C10orf90: variants seen among roughly 807,000 people sequenced by gnomAD.
The protein encoded by C10orf90 is chromosome 10 open reading frame 90.
Under a neutral mutation model 62.5 loss-of-function variants are expected in C10orf90, and 56 were observed. The observed-to-expected ratio is 0.90, with a 90% confidence interval of 0.72 to 1.12. C10orf90 has a LOEUF of 1.12. Among genes scored for constraint, C10orf90 ranks in the 50% most tolerant of loss-of-function variants. The pLI is 0.00. For synonymous variants in C10orf90, 386 were observed against 340.4 expected (o/e 1.13, Z -1.47); for missense variants, 970 against 880.4 (o/e 1.10, Z -1.29).
At chr10:126,627,000 C>CTTTTCTTT (rs1845758035) in intron 2 of C10orf90, among the ~76,000 whole-genome samples, 2 of 119,496 alleles carry the variant, frequency 1.7e-5, no homozygotes, top group Non-Finnish European at 3.4e-5. Context: ...TTTTTCTTTT[C>CTTTTCTTT]TTTTTTTTTT....
intron 7 of C10orf90, among the ~76,000 whole-genome samples, chr10:126,455,638 G>T (rs1426421558): frequency 6.6e-6 from 1 of 152,214 alleles, no homozygotes; most frequent in African/African-American, 2.4e-5. Flanking sequence ...CTTACGCATT[G>T]TATTTATTGG....
Position 126,464,992 on chromosome 10 carries a change from A to G in C10orf90, c.1535-6T>C. Reference sequence around the variant, plus strand: ...AGAAAATACTTTTGTGTGTACTAAAAATAAAACGAGAGTTGTGCTCAAAAT... The same window carrying G: ...AGAAAATACTTTTGTGTGTACTAAAGATAAAACGAGAGTTGTGCTCAAAAT... On this transcript the variant is annotated splice_polypyrimidine_tract_variant and splice_region_variant and intron_variant, in intron 4 of 9. Transcript: ENST00000488181. 4 of 1,591,766 alleles carry G rather than the reference A, an allele frequency of 2.5e-6. No individual in the cohort carries two copies. Among genetic ancestry groups the G allele is most frequent in the Non-Finnish European group, 3.4e-6 (4 of 1,162,028 alleles).
At chr10:126,514,003 C>T (rs1863290401) in intron 2 of C10orf90, 64 bp from the exon 3 acceptor site, 1 of 1,174,726 alleles carries the variant, frequency 8.5e-7, no homozygotes, top group Non-Finnish European at 1.2e-6. Flanking sequence ...GAATATATAA[C>T]TCTACTGTAA....
intron 2 of C10orf90, among the ~76,000 whole-genome samples, chr10:126,555,381 A>G (rs145548983): frequency 2.0e-5 from 3 of 152,240 alleles, no homozygotes; most frequent in Admixed American, 2.0e-4. Context: ...TACACTGTTT[A>G]AGCTAATCAG....
intron 2 of C10orf90, among the ~76,000 whole-genome samples, chr10:126,577,151 C>T (rs2134011091): frequency 6.6e-6 from 1 of 151,960 alleles, no homozygotes; most frequent in East Asian, 1.9e-4. Flanking sequence ...ATATTGAATA[C>T]TCCCAGTACA....
intron 2 of C10orf90, among the ~76,000 whole-genome samples, chr10:126,575,992 G>T (rs2082988): frequency 0.31 from 46,730 of 151,830 alleles, 8,077 homozygotes; most frequent in Non-Finnish European, 0.39. Context: ...TAGAGAAAAT[G>T]CTTCAGGATG....
At chr10:126,605,994 A>G (rs1845302911) in intron 2 of C10orf90, among the ~76,000 whole-genome samples, 1 of 152,234 alleles carries the variant, frequency 6.6e-6, no homozygotes, top group Non-Finnish European at 1.5e-5. Flanking sequence ...GAATTGAAGG[A>G]GACCACTTTT....
chr10:126,654,066 C>T (rs1460396344), intron 1 of C10orf90, among the ~76,000 whole-genome samples: 1 of 152,116 alleles, frequency 6.6e-6, no homozygotes, highest in Non-Finnish European at 1.5e-5. Flanking sequence ...TTTGTTGTTC[C>T]ATTTATAGAG....
chr10:126,575,125 G>T (rs1284407154), intron 2 of C10orf90, among the ~76,000 whole-genome samples: 2 of 151,988 alleles, frequency 1.3e-5, no homozygotes, highest in Non-Finnish European at 1.5e-5. Flanking sequence ...AAAACTATTA[G>T]AATAGGTGAA....
chr10:126,425,474 G>A lies in C10orf90; in HGVS notation c.*390C>T. ...TTGAAATTTAAAAGGAGATGGATTT[G>A]GATCCCAAAAGTTTGATGTAAAAGA... On this transcript the variant is annotated 3_prime_UTR_variant, in exon 10 of 10. Transcript: ENST00000488181. 1 of 222,234 alleles carries A rather than the reference G, an allele frequency of 4.5e-6. No homozygotes were observed. Among genetic ancestry groups the A allele is most frequent in the Non-Finnish European group, 8.8e-6 (1 of 114,178 alleles). 13.8% of individuals were successfully genotyped at this position (222,234 alleles called of 1,614,324 possible). A position where few individuals can be genotyped will look rare whatever the true frequency, so the allele number is the denominator to read the frequency against.
At chr10:126,479,058 G>A (rs1409039334) in intron 4 of C10orf90, among the ~76,000 whole-genome samples, 1 of 152,184 alleles carries the variant, frequency 6.6e-6, no homozygotes, top group Admixed American at 6.5e-5. Flanking sequence ...GGGGAATGGG[G>A]CTGAGAAGCA....
At chr10:126,614,103 A>G (rs1030954435) in intron 2 of C10orf90, among the ~76,000 whole-genome samples, 4 of 152,190 alleles carry the variant, frequency 2.6e-5, no homozygotes, top group Non-Finnish European at 4.4e-5. Flanking sequence ...GCAACAGGAT[A>G]TCAGGAAAAG....
chr10:126,472,872 G>A (rs1860655069), intron 4 of C10orf90, among the ~76,000 whole-genome samples: 1 of 152,098 alleles, frequency 6.6e-6, no homozygotes, highest in African/African-American at 2.4e-5. Flanking sequence ...GAAGAAGGGA[G>A]GTGGCTTCCA....
rs57867349 is a variant in C10orf90 at position 126,445,826 on chromosome 10, T to TATATATATATATAC, written c.2188+13213_2188+13214insGTATATATATATAT. Among the ~76,000 whole-genome samples the TATATATATATATAC allele has an allele frequency of 2.1e-3, 301 of 144,792 alleles. 1 individual carries two copies. The highest frequency in any genetic ancestry group is 0.014 in the Middle Eastern group (4 of 280). The allele number at this position is 144,792 out of a possible 152,430, so 95.0% of individuals were successfully genotyped here. ...TGGTGTATATATATATATATATATA[T>TATATATATATATAC]ACAATGGAATACTACTCAGCCATAA... On this transcript the variant is annotated intron_variant, in intron 7 of 9. Coordinates refer to ENST00000488181, the MANE Select transcript of C10orf90 (RefSeq NM_001350921.2).
At chr10:126,607,930 G>C (rs1342623423) in intron 2 of C10orf90, among the ~76,000 whole-genome samples, 1 of 152,150 alleles carries the variant, frequency 6.6e-6, no homozygotes, top group Non-Finnish European at 1.5e-5. Context: ...GAAGTACTTA[G>C]AATAGTGAAA....
At chr10:126,507,356 CAAAAAAAAA>C (rs1204374185) in intron 3 of C10orf90, among the ~76,000 whole-genome samples, 1 of 69,060 alleles carries the variant, frequency 1.4e-5, no homozygotes, top group African/African-American at 5.3e-5. Context: ...GACTCCATCT[CAAAAAAAAA>C]AAAAAAAAAA....
chr10:126,461,408 G>A lies in C10orf90; in HGVS notation c.2003C>T (p.Thr668Ile). Residue 668 changes from threonine (T) to isoleucine (I), a missense_variant, in exon 6 of 10, where the codon ACC becomes ATC. Thr to Ile is a moderately conservative substitution (Grantham distance 89). Coordinates refer to ENST00000488181, the MANE Select transcript of C10orf90 (RefSeq NM_001350921.2). ...ESQQTPARSL[T>I]LQEALEVRKP... ...ACACACAGAAGGCCTTACTTGCAAG[G>A]TCAAAGATCTTGCAGGCGTTTGCTG... 1 of 1,613,982 alleles carries A rather than the reference G, an allele frequency of 6.2e-7. No individual in the cohort carries two copies. Among genetic ancestry groups the A allele is most frequent in the Non-Finnish European group, 8.5e-7 (1 of 1,179,914 alleles).
chr10:126,647,797 A>G (rs1846201454), intron 1 of C10orf90, among the ~76,000 whole-genome samples: 1 of 152,170 alleles, frequency 6.6e-6, no homozygotes, highest in African/African-American at 2.4e-5. Context: ...CACCTCTCAG[A>G]AAGGTATGCT....
intron 2 of C10orf90, among the ~76,000 whole-genome samples, chr10:126,582,588 G>A (rs78084846): frequency 1.5e-3 from 230 of 152,320 alleles, no homozygotes; most frequent in African/African-American, 5.4e-3. Context: ...TTAAAAGGGA[G>A]ACAAAGATCC....
Sources: allele counts gnomAD v4.1 joint callset (sites outside exome capture counted in the v4.1 genomes callset), GRCh38; gene constraint gnomAD v4.1.1; transcripts MANE v1.5; gene names NCBI Gene and HGNC (gene_info 2026-07-23, HGNC 2026-07-21).